The following GRIN2A variants were observed in gnomAD, a reference collection of about 807,000 sequenced individuals.
GRIN2A encodes the protein glutamate receptor ionotropic, NMDA 2A.
In GRIN2A, 22 loss-of-function variants were observed where a neutral mutation model predicts 113.4. The ratio of observed to expected loss-of-function variants is 0.19; its 90% CI spans 0.14 to 0.28. The LOEUF (loss-of-function observed/expected upper bound fraction) is 0.28, where lower values mean the gene tolerates loss of function less well. Ranked by LOEUF, GRIN2A falls within the 10% of genes least tolerant of loss-of-function variation. The pLI, the probability that GRIN2A is intolerant of heterozygous loss-of-function variation, is 1.00. For missense variants in GRIN2A, 1,502 were observed against 1,887.0 expected, an observed-to-expected ratio of 0.80 and a Z score of 3.78; for synonymous variants, 827 against 738.4, an observed-to-expected ratio of 1.12 and a Z score of -1.94.
chr16:9,852,896 G>A (rs1197374650), intron 4 of GRIN2A, among the ~76,000 whole-genome samples: 1 of 152,198 alleles, frequency 6.6e-6, no homozygotes, highest in Non-Finnish European at 1.5e-5. Context: ...CAAGCACTGT[G>A]CTAGACACTG....
At chr16:10,008,232 A>G (rs148987884) in intron 2 of GRIN2A, among the ~76,000 whole-genome samples, 303 of 152,258 alleles carry the variant, frequency 2.0e-3, no homozygotes, top group African/African-American at 7.0e-3. Flanking sequence ...CCTTATTTGG[A>G]TATCCCATGG....
intron 4 of GRIN2A, among the ~76,000 whole-genome samples, chr16:9,857,651 C>T (rs1408119046): frequency 1.3e-5 from 2 of 152,136 alleles, no homozygotes; most frequent in Non-Finnish European, 2.9e-5. Context: ...GTTTCATCAC[C>T]TGAAAAGTAG....
At chr16:10,009,000 T>G (rs1348127248) in intron 2 of GRIN2A, among the ~76,000 whole-genome samples, 1 of 152,218 alleles carries the variant, frequency 6.6e-6, no homozygotes, top group Non-Finnish European at 1.5e-5. Context: ...GCTTACACTC[T>G]GATGGAGAGA....
At chr16:10,082,164 G>A (rs1423609971) in intron 2 of GRIN2A, among the ~76,000 whole-genome samples, 2 of 152,132 alleles carry the variant, frequency 1.3e-5, no homozygotes, top group African/African-American at 4.8e-5. Flanking sequence ...ACATTGTATG[G>A]CCACACTCCA....
rs566245302 is a variant in GRIN2A at position 10,114,390 on chromosome 16, C to T, written c.414+65608G>A. On this transcript the variant is annotated intron_variant, in intron 2 of 12. Coordinates refer to ENST00000330684, the MANE Select transcript of GRIN2A (RefSeq NM_001134407.3). ...ATGTGCGGGTAAAGCCAAAAGGACC[C>T]CAGACTCGAAGATGCCAGCCTGGGT... 7.9e-5 allele frequency among the ~76,000 whole-genome samples: 12 copies of T among 152,162 alleles called. 1 individual carries two copies. The South Asian group carries it at 2.5e-3, about 32-fold the overall frequency.
At position 10,018,389 on chromosome 16, in the gene GRIN2A, T is replaced by C. The variant is rs539570379; in HGVS notation, c.415-79838A>G. Among the ~76,000 whole-genome samples, 15 of 152,222 alleles carry C rather than the reference T, an allele frequency of 9.9e-5. No homozygotes were observed. The South Asian group carries it at 3.1e-3, about 32-fold the overall frequency. On this transcript the variant is annotated intron_variant, in intron 2 of 12. Transcript: ENST00000330684. The stretch of plus-strand genomic sequence containing the variant: ...TGTGCTAGCACCAGAAGACACAAAC[T>C]GGAGGCAGCAATACCACTGCAGTTG...
intron 4 of GRIN2A, among the ~76,000 whole-genome samples, chr16:9,866,325 G>A (rs564091645): frequency 1.1e-4 from 16 of 152,206 alleles, no homozygotes; most frequent in Non-Finnish European, 1.9e-4. Context: ...TGAAAAGTCA[G>A]AGTGGAAAGA....
intron 2 of GRIN2A, among the ~76,000 whole-genome samples, chr16:10,144,055 G>A (rs1166369789): frequency 6.6e-6 from 1 of 152,152 alleles, no homozygotes; most frequent in Non-Finnish European, 1.5e-5. Context: ...TGAGGGTACA[G>A]ATATTTCTTT....
At chr16:9,831,527 T>TTC (rs2042495833) in intron 8 of GRIN2A, among the ~76,000 whole-genome samples, 1 of 150,168 alleles carries the variant, frequency 6.7e-6, no homozygotes, top group African/African-American at 2.5e-5. Flanking sequence ...TTTCTTTTTT[T>TTC]TTTTTTGAGA....
intron 2 of GRIN2A, among the ~76,000 whole-genome samples, chr16:10,005,306 A>T (rs747757423): frequency 6.6e-6 from 1 of 152,212 alleles, no homozygotes; most frequent in Admixed American, 6.5e-5. Flanking sequence ...TTAAAAGTTG[A>T]TTTCTCTCCT....
chr16:10,100,677 C>T (rs142428383), intron 2 of GRIN2A, among the ~76,000 whole-genome samples: 36 of 152,292 alleles, frequency 2.4e-4, no homozygotes, highest in Non-Finnish European at 3.7e-4. Flanking sequence ...CTGTTCACTC[C>T]ATCTGTGCAG....
intron 2 of GRIN2A, among the ~76,000 whole-genome samples, chr16:9,944,479 CT>C (rs2044968338): frequency 6.6e-6 from 1 of 152,178 alleles, no homozygotes; most frequent in African/African-American, 2.4e-5. Flanking sequence ...CCTCCTCCTC[CT>C]CACCATCATC....
chr16:9,872,625 A>G (rs769834606), intron 4 of GRIN2A, among the ~76,000 whole-genome samples: 1 of 152,220 alleles, frequency 6.6e-6, no homozygotes, highest in South Asian at 2.1e-4. Context: ...TATATACACA[A>G]TGAAATACTA....
intron 4 of GRIN2A, among the ~76,000 whole-genome samples, chr16:9,852,123 G>A (rs1172206258): frequency 2.6e-5 from 4 of 152,136 alleles, no homozygotes; most frequent in Non-Finnish European, 5.9e-5. Context: ...ACTCTACATG[G>A]TAAGCATTAT....
At chr16:9,829,396 A>G (rs896758340) in intron 9 of GRIN2A, 27 bp downstream of exon 9, 2 of 1,464,212 alleles carry the variant, frequency 1.4e-6, no homozygotes, top group Non-Finnish European at 1.9e-6. Flanking sequence ...CAACCCTCAG[A>G]TGGAGAGGAA....
intron 2 of GRIN2A, among the ~76,000 whole-genome samples, chr16:10,150,456 T>C (rs892914826): frequency 3.9e-5 from 6 of 152,134 alleles, no homozygotes; most frequent in African/African-American, 1.4e-4. Flanking sequence ...CAAAACCAGG[T>C]CTATTTTAAG....
At chr16:9,814,399 C>G (rs1485371255) in intron 10 of GRIN2A, among the ~76,000 whole-genome samples, 1 of 152,000 alleles carries the variant, frequency 6.6e-6, no homozygotes, top group Non-Finnish European at 1.5e-5. Flanking sequence ...TTAATGGTAC[C>G]CAGATCGTAG....
rs374525232 is a variant in GRIN2A, at chr16:9,762,468, G to A, written c.*681C>T. On this transcript the variant is annotated 3_prime_UTR_variant, in exon 13 of 13. Transcript: ENST00000330684. ...AGCTCTCCCCACCTGAGGGTCCCTCGGGCCTTTGGCTCCAGATGTGTCTTG... is the reference window on the plus strand; with the variant it reads ...AGCTCTCCCCACCTGAGGGTCCCTCAGGCCTTTGGCTCCAGATGTGTCTTG... 9 of 221,598 alleles carry A rather than the reference G, an allele frequency of 4.1e-5. No homozygotes were observed. Among genetic ancestry groups the A allele is most frequent in the South Asian group, 1.8e-4 (1 of 5,414 alleles). 13.7% of individuals were successfully genotyped at this position (221,598 alleles called of 1,614,324 possible).
intron 9 of GRIN2A, among the ~76,000 whole-genome samples, chr16:9,826,318 C>G (rs1464761064): frequency 1.3e-5 from 2 of 152,136 alleles, no homozygotes; most frequent in African/African-American, 4.8e-5. Context: ...TGATTCCCAA[C>G]ATTTTGGAAA....
Sources: gnomAD v4.1 joint callset for allele counts (sites outside exome capture counted in the v4.1 genomes callset) on GRCh38, gnomAD v4.1.1 for gene constraint, MANE v1.5 for transcripts, NCBI Gene and HGNC (gene_info 2026-07-23, HGNC 2026-07-21) for gene names.